Variants in CENPP observed in about 807,000 individuals in gnomAD.
CENPP encodes centromere protein P.
Under a neutral mutation model 35.6 loss-of-function variants are expected in CENPP, and 24 were observed. The observed-to-expected ratio is 0.67, with a 90% CI of 0.49 to 0.95. The LOEUF is 0.95. Ranked by LOEUF, CENPP falls within the 40% of genes least tolerant of loss-of-function variation. The pLI, the probability that CENPP is intolerant of heterozygous loss-of-function variation, is 0.00. For synonymous variants in CENPP, 120 were observed against 125.5 expected (o/e 0.96, Z 0.29); for missense variants, 332 against 345.3 (o/e 0.96, Z 0.31).
chr9:92,433,010 A>G (rs541594626), intron 5 of CENPP, among the ~76,000 whole-genome samples: 1 of 152,240 alleles, frequency 6.6e-6, no homozygotes, highest in African/African-American at 2.4e-5. Flanking sequence ...TTGACTAAAT[A>G]AAAAACATAC....
intron 5 of CENPP, among the ~76,000 whole-genome samples, chr9:92,441,578 A>G (rs1293006961): frequency 6.6e-6 from 1 of 151,978 alleles, no homozygotes; most frequent in African/African-American, 2.4e-5. Context: ...GAGCAACATA[A>G]CAAGACTCCA....
At chr9:92,375,275 G>A (rs1326022802) in intron 4 of CENPP, among the ~76,000 whole-genome samples, 1 of 150,638 alleles carries the variant, frequency 6.6e-6, no homozygotes, top group Non-Finnish European at 1.5e-5. Flanking sequence ...AATTTCACTT[G>A]ACCTATATTC....
intron 5 of CENPP, among the ~76,000 whole-genome samples, chr9:92,417,915 A>G (rs949010895): frequency 2.0e-5 from 3 of 151,606 alleles, no homozygotes; most frequent in Non-Finnish European, 2.9e-5. Flanking sequence ...TTTAGTAGAG[A>G]CAAGGTTTCG....
intron 5 of CENPP, among the ~76,000 whole-genome samples, chr9:92,420,763 T>G (rs1328630500): frequency 6.6e-6 from 1 of 152,228 alleles, no homozygotes; most frequent in African/African-American, 2.4e-5. Flanking sequence ...TTTTGTTTTT[T>G]TTTTAACAAT....
intron 5 of CENPP, among the ~76,000 whole-genome samples, chr9:92,526,535 A>G (rs1848420023): frequency 6.6e-6 from 1 of 152,036 alleles, no homozygotes; most frequent in African/African-American, 2.4e-5. Flanking sequence ...GAAAAGCAAC[A>G]GCAAACCAAA....
intron 5 of CENPP, among the ~76,000 whole-genome samples, chr9:92,465,481 G>A (rs948675379): frequency 6.6e-6 from 1 of 152,166 alleles, no homozygotes; most frequent in African/African-American, 2.4e-5. Context: ...TTGAAGAAAT[G>A]CCAGTAAGTG....
intron 5 of CENPP, chr9:92,385,539 A>G: frequency 8.3e-7 from 1 of 1,207,676 alleles, no homozygotes; most frequent in Non-Finnish European, 1.2e-6. Context: ...ATATTAAACC[A>G]ATACTTAAGT....
At chr9:92,382,472 T>C (rs1225834208) in intron 5 of CENPP, among the ~76,000 whole-genome samples, 1 of 152,146 alleles carries the variant, frequency 6.6e-6, no homozygotes, top group Non-Finnish European at 1.5e-5. Context: ...CTAGCTGTAA[T>C]TTTGTATCCT....
chr9:92,417,680 AT>A, intron 5 of CENPP: 1 of 657,248 alleles, frequency 1.5e-6, no homozygotes, highest in East Asian at 2.9e-5. Flanking sequence ...ATGTCTATAT[AT>A]AAAAGAATAT....
intron 5 of CENPP, among the ~76,000 whole-genome samples, chr9:92,499,045 A>C (rs927865): frequency 6.6e-6 from 1 of 151,990 alleles, no homozygotes; most frequent in Non-Finnish European, 1.5e-5. Flanking sequence ...AAAGAGGCCA[A>C]GCTCTTTGGA....
chr9:92,506,233 G>C (rs1195414000), intron 5 of CENPP, among the ~76,000 whole-genome samples: 3 of 152,166 alleles, frequency 2.0e-5, no homozygotes, highest in Admixed American at 2.0e-4. Context: ...TCTGAACAAG[G>C]GAGTCAGAAG....
At chr9:92,435,945 G>A (rs945627862) in intron 5 of CENPP, among the ~76,000 whole-genome samples, 20 of 152,152 alleles carry the variant, frequency 1.3e-4, no homozygotes, top group South Asian at 4.1e-4. Flanking sequence ...TTGCTGGGTC[G>A]TATGGTAAGT....
intron 3 of CENPP, among the ~76,000 whole-genome samples, chr9:92,338,969 A>C (rs1277352864): frequency 6.6e-6 from 1 of 152,236 alleles, no homozygotes; most frequent in Non-Finnish European, 1.5e-5. Flanking sequence ...AGGGTGCAGC[A>C]GAACAGGGCT....
intron 5 of CENPP, chr9:92,415,212 G>A (rs946061323): frequency 1.2e-6 from 2 of 1,613,596 alleles, no homozygotes; most frequent in East Asian, 2.2e-5. Context: ...CTTGTTCTGG[G>A]CTCTCATGAG....
Position 92,600,902 on chromosome 9 carries a change from C to T in CENPP, c.565-10412C>T, listed in dbSNP as rs114315306. Among the ~76,000 whole-genome samples the T allele has an allele frequency of 1.6e-3, 240 of 152,322 alleles. 1 individual carries two copies. Among genetic ancestry groups the T allele is most frequent in the African/African-American group, 5.3e-3 (221 of 41,570 alleles). On this transcript the variant is annotated intron_variant, in intron 5 of 7. Coordinates refer to ENST00000375587, the MANE Select transcript of CENPP (RefSeq NM_001012267.3). ...TCCCCTGAGGGGTCCTTCCTGGACA[C>T]CCATGTTCATCCACTGAGGGCGACT...
At chr9:92,424,056 A>G (rs1843894149) in intron 5 of CENPP, 1 of 152,218 alleles carries the variant, frequency 6.6e-6, no homozygotes, top group Non-Finnish European at 1.5e-5. Context: ...AAAGTTTAAC[A>G]TAACTTTTTT....
intron 5 of CENPP, among the ~76,000 whole-genome samples, chr9:92,605,447 G>A (rs958875708): frequency 2.6e-5 from 4 of 151,984 alleles, no homozygotes; most frequent in Admixed American, 2.6e-4. Context: ...CTTATGCCAC[G>A]GTGTGACCTC....
intron 5 of CENPP, among the ~76,000 whole-genome samples, chr9:92,595,412 T>C (rs1850755399): frequency 6.6e-6 from 1 of 150,958 alleles, no homozygotes; most frequent in Admixed American, 6.6e-5. Flanking sequence ...CAGCTAATTT[T>C]TTATTTTTTG....
chr9:92,487,032 T>C (rs145346701), intron 5 of CENPP, among the ~76,000 whole-genome samples: 93 of 152,320 alleles, frequency 6.1e-4, no homozygotes, highest in African/African-American at 2.2e-3. Context: ...TCTGCTCGCC[T>C]CGGCCTCCCA....
Sources: allele counts gnomAD v4.1 joint callset (sites outside exome capture counted in the v4.1 genomes callset), GRCh38; gene constraint gnomAD v4.1.1; transcripts MANE v1.5; gene names NCBI Gene and HGNC (gene_info 2026-07-23, HGNC 2026-07-21).